Variants in CDC123 observed in about 807,000 individuals in gnomAD.
CDC123 encodes translation initiation factor eIF2 assembly protein.
A neutral mutation model predicts 54.4 loss-of-function variants in CDC123; 37 were observed. The observed-to-expected ratio is 0.68, with a 90% CI of 0.52 to 0.89. CDC123 has a LOEUF of 0.89. Ranked by LOEUF, CDC123 falls within the 40% of genes least tolerant of loss-of-function variation. CDC123 has a pLI of 0.00. For missense variants in CDC123, 361 were observed against 412.1 expected, an observed-to-expected ratio of 0.88 and a Z score of 1.07; for synonymous variants, 144 against 136.8, an observed-to-expected ratio of 1.05 and a Z score of -0.37.
At chr10:12,196,603 C>A (rs1835352876) in intron 1 of CDC123, among the ~76,000 whole-genome samples, 1 of 152,070 alleles carries the variant, frequency 6.6e-6, no homozygotes, top group Non-Finnish European at 1.5e-5. Flanking sequence ...TAGAATGGCC[C>A]CAGGCGCAAG....
At chr10:12,201,545 A>G (rs1835439482) in intron 2 of CDC123, among the ~76,000 whole-genome samples, 1 of 151,766 alleles carries the variant, frequency 6.6e-6, no homozygotes, top group Non-Finnish European at 1.5e-5. Flanking sequence ...GGCCTGGAAG[A>G]TCTTGACATA....
In CDC123 at chr10:12,244,255, C is replaced by T. The variant is rs61286303; in HGVS notation, c.718-1894C>T. Among the ~76,000 whole-genome samples, 216 of 152,336 alleles carry T rather than the reference C, an allele frequency of 1.4e-3. 1 individual carries two copies. The East Asian group carries it at 0.037, about 26-fold the overall frequency. On this transcript the variant is annotated intron_variant, in intron 10 of 12. Transcript: ENST00000281141. ...TGCTTGGAATTTCACAGACACACAC[C>T]CGCTCAGGACATGGCGGCAACACAT...
At chr10:12,236,204 G>A (rs1835974921) in intron 8 of CDC123, among the ~76,000 whole-genome samples, 1 of 152,318 alleles carries the variant, frequency 6.6e-6, no homozygotes, top group East Asian at 1.9e-4. Context: ...CAAAGCAGCA[G>A]CAGTTGATTA....
intron 7 of CDC123, among the ~76,000 whole-genome samples, chr10:12,232,161 G>A (rs538579581): frequency 2.0e-5 from 3 of 151,994 alleles, no homozygotes; most frequent in South Asian, 2.1e-4. Context: ...TTTAAATGCA[G>A]ACTCCACGTT....
At position 12,249,461 on chromosome 10, in the gene CDC123, CTCA is replaced by C. The variant is rs1421708779; in HGVS notation, c.847-116_847-114del. ...TTTAACTTAAGCATCTTCCTTTCTC[CTCA>C]TCAAGTACAGAGGAAAACATGGAGT... On this transcript the variant is annotated intron_variant, in intron 11 of 12. Transcript: ENST00000281141. 2.9e-6 allele frequency: 3 copies of C among 1,022,400 alleles called. No individual in the cohort carries two copies. The African/African-American group carries it at 4.9e-5, about 17-fold the overall frequency. The allele number at this position is 1,022,400 out of a possible 1,614,324, so 63.3% of individuals were successfully genotyped here.
chr10:12,236,809 G>A (rs1049674406), intron 8 of CDC123, among the ~76,000 whole-genome samples: 4 of 151,756 alleles, frequency 2.6e-5, no homozygotes, highest in East Asian at 1.9e-4. Context: ...CAGGAGAATC[G>A]CTTCTCGGGC....
chr10:12,203,687 A>G (rs1425798963), intron 2 of CDC123, among the ~76,000 whole-genome samples: 1 of 152,186 alleles, frequency 6.6e-6, no homozygotes, highest in East Asian at 1.9e-4. Flanking sequence ...CAAGCTTGAT[A>G]CTAGCGTAAC....
At chr10:12,238,307 A>G in intron 9 of CDC123, 150 bp from the exon 10 acceptor site, 1 of 768,356 alleles carries the variant, frequency 1.3e-6, no homozygotes, top group Non-Finnish European at 2.0e-6. Flanking sequence ...ATGCCTTTTT[A>G]TGTTTGAAGT....
intron 10 of CDC123, among the ~76,000 whole-genome samples, chr10:12,244,461 C>A (rs996473779): frequency 6.6e-6 from 1 of 152,168 alleles, no homozygotes; most frequent in East Asian, 1.9e-4. Flanking sequence ...CCTGTGCCCC[C>A]GCTCTGTGCG....
At chr10:12,202,494 A>T (rs1413624264) in intron 2 of CDC123, among the ~76,000 whole-genome samples, 1 of 151,964 alleles carries the variant, frequency 6.6e-6, no homozygotes. Flanking sequence ...CTCCAGTCCA[A>T]TTCAGTTGAC....
chr10:12,238,928 T>G (rs970910576), intron 10 of CDC123, among the ~76,000 whole-genome samples: 1 of 151,532 alleles, frequency 6.6e-6, no homozygotes, highest in African/African-American at 2.4e-5. Flanking sequence ...AGGCAGAGAT[T>G]GCAGTGAGCG....
At position 12,210,427 on chromosome 10, in the gene CDC123, A is replaced by T. The variant is rs1333344842; in HGVS notation, c.237+105A>T. On this transcript the variant is annotated intron_variant, in intron 4 of 12. Coordinates refer to ENST00000281141, the MANE Select transcript of CDC123 (RefSeq NM_006023.3). ...TCTCTTAAATTCCTAGTCAGTCACC[A>T]TCTCATATATTATTTTCCCTGTGGG... 3 of 1,340,422 alleles carry T rather than the reference A, an allele frequency of 2.2e-6. No homozygotes were observed. The African/African-American group carries it at 4.4e-5, about 20-fold the overall frequency. The allele number at this position is 1,340,422 out of a possible 1,614,324, so 83.0% of individuals were successfully genotyped here. A position where few individuals can be genotyped will look rare whatever the true frequency, so the allele number is the denominator to read the frequency against.
intron 6 of CDC123, among the ~76,000 whole-genome samples, chr10:12,222,977 C>T (rs1034255976): frequency 1.1e-4 from 17 of 151,912 alleles, no homozygotes; most frequent in South Asian, 1.0e-3. Flanking sequence ...CTGCAAGCTC[C>T]GCCTCCCGGG....
intron 10 of CDC123, chr10:12,244,629 T>G (rs1000587352): frequency 9.4e-6 from 1 of 106,056 alleles, no homozygotes; most frequent in African/African-American, 7.0e-5. Context: ...GTTGGGGTGG[T>G]TTTTTTTTTT....
chr10:12,205,942 G>A (rs1182751189), intron 2 of CDC123, among the ~76,000 whole-genome samples: 1 of 152,016 alleles, frequency 6.6e-6, no homozygotes, highest in African/African-American at 2.4e-5. Context: ...GGGACTACAG[G>A]TGCCTGCGAC....
rs1457005399 is a variant in CDC123 at position 12,217,342 on chromosome 10, C to A, written c.334-19C>A. On this transcript the variant is annotated intron_variant, in intron 5 of 12. Transcript: ENST00000281141. The stretch of plus-strand genomic sequence containing the variant: ...CCAACATGGAATATGGACTAAATAG[C>A]ATGTGCTTCATTCTTTAGGATGCGT... The A allele has an allele frequency of 1.2e-6, 2 of 1,606,590 alleles. No homozygotes were observed. The highest frequency in any genetic ancestry group is 3.4e-5 in the Admixed American group (2 of 59,314).
chr10:12,236,771 G>A (rs1204316949), intron 8 of CDC123, among the ~76,000 whole-genome samples: 3 of 152,066 alleles, frequency 2.0e-5, no homozygotes, highest in Non-Finnish European at 2.9e-5. Flanking sequence ...GCAGGCGCCC[G>A]TAATCCTTGC....
At chr10:12,224,730 G>A (rs1161042730) in intron 6 of CDC123, among the ~76,000 whole-genome samples, 2 of 152,154 alleles carry the variant, frequency 1.3e-5, no homozygotes, top group Non-Finnish European at 2.9e-5. Flanking sequence ...CCAAATTAAT[G>A]TTAAATAGTA....
Position 12,209,646 on chromosome 10 carries a change from G to A in CDC123, c.147-321G>A, listed in dbSNP as rs372239470. Among the ~76,000 whole-genome samples, 6 of 152,070 alleles carry A rather than the reference G, an allele frequency of 3.9e-5. No individual in the cohort carries two copies. In the East Asian group the frequency reaches 7.7e-4, roughly 20 times the overall value. On this transcript the variant is annotated intron_variant, in intron 2 of 12. Coordinates refer to ENST00000281141, the MANE Select transcript of CDC123 (RefSeq NM_006023.3). ...CACGATCTTAACTCACTGCAGCCTC[G>A]ACCTCCCATGTTCAAGTGATCAGTC...
Sources: allele counts gnomAD v4.1 joint callset (sites outside exome capture counted in the v4.1 genomes callset), GRCh38; gene constraint gnomAD v4.1.1; transcripts MANE v1.5; gene names NCBI Gene and HGNC (gene_info 2026-07-23, HGNC 2026-07-21).